LRBA: variants seen among roughly 807,000 people sequenced by gnomAD.
LRBA encodes LPS responsive beige-like anchor protein.
In LRBA, 176 loss-of-function variants were observed where a neutral mutation model predicts 330.0. That is an observed-to-expected ratio of 0.53 (90% CI 0.47 to 0.60). The LOEUF is 0.60. Among genes scored for constraint, LRBA ranks in the 20% least tolerant of loss-of-function variants. The probability of loss-of-function intolerance (pLI) is 0.00; values close to 1 mark genes in which losing one functional copy is unlikely to be tolerated. For missense variants in LRBA, 3,259 were observed against 3,444.8 expected (o/e 0.95, Z 1.35); for synonymous variants, 1,230 against 1,193.0 (o/e 1.03, Z -0.64).
intron 47 of LRBA, among the ~76,000 whole-genome samples, chr4:150,351,480 G>A (rs1737151517): frequency 6.6e-6 from 1 of 152,076 alleles, no homozygotes; most frequent in South Asian, 2.1e-4. Flanking sequence ...ACGAGGTCAG[G>A]AGATCGAGAC....
chr4:150,938,857 G>A (rs150716882), intron 2 of LRBA, among the ~76,000 whole-genome samples: 8 of 152,216 alleles, frequency 5.3e-5, no homozygotes, highest in Admixed American at 5.2e-4. Context: ...GGGCCTCTCT[G>A]TTCTATCAGT....
At chr4:150,471,961 T>A (rs1756183685) in intron 42 of LRBA, among the ~76,000 whole-genome samples, 1 of 152,188 alleles carries the variant, frequency 6.6e-6, no homozygotes, top group South Asian at 2.1e-4. Flanking sequence ...AGGTAAGCTG[T>A]CATTACAGTG....
chr4:150,671,604 A>G (rs1239094970), intron 37 of LRBA, among the ~76,000 whole-genome samples: 2 of 152,200 alleles, frequency 1.3e-5, no homozygotes, highest in Non-Finnish European at 2.9e-5. Flanking sequence ...AGTACATACA[A>G]TTTCTCATTT....
intron 33 of LRBA, among the ~76,000 whole-genome samples, chr4:150,802,380 T>C (rs958625182): frequency 5.3e-5 from 8 of 150,764 alleles, no homozygotes; most frequent in Non-Finnish European, 1.2e-4. Context: ...GTCCACAGCA[T>C]AGTAAAGAAT....
intron 50 of LRBA, among the ~76,000 whole-genome samples, chr4:150,316,751 G>A (rs540155155): frequency 7.6e-4 from 115 of 152,236 alleles, no homozygotes; most frequent in African/African-American, 2.4e-3. Flanking sequence ...AGAAACTCAA[G>A]GACAAGTCAG....
chr4:150,994,518 C>T (rs544799297), intron 2 of LRBA, among the ~76,000 whole-genome samples: 1 of 152,068 alleles, frequency 6.6e-6, no homozygotes, highest in African/African-American at 2.4e-5. Context: ...AAAGTAAGTC[C>T]CTACTTTTAT....
chr4:150,322,957 C>A (rs114981308), intron 49 of LRBA, among the ~76,000 whole-genome samples: 3 of 148,322 alleles, frequency 2.0e-5, no homozygotes, highest in African/African-American at 7.5e-5. Context: ...TAACGCAGCA[C>A]GAGGTGGCTT....
intron 40 of LRBA, among the ~76,000 whole-genome samples, chr4:150,531,487 T>C (rs1360131955): frequency 1.3e-5 from 2 of 152,220 alleles, no homozygotes. Flanking sequence ...TTAGTAATTA[T>C]CACCATATGA....
At chr4:150,494,176 C>A (rs1475726016) in intron 40 of LRBA, among the ~76,000 whole-genome samples, 1 of 152,134 alleles carries the variant, frequency 6.6e-6, no homozygotes, top group Non-Finnish European at 1.5e-5. Flanking sequence ...ATGGCCTATA[C>A]CCAGGTTTTC....
chr4:150,652,307 G>A (rs1444287400), intron 37 of LRBA, among the ~76,000 whole-genome samples: 2 of 152,000 alleles, frequency 1.3e-5, no homozygotes, highest in African/African-American at 2.4e-5. Flanking sequence ...CATAAAATGT[G>A]CCTGTTGAGG....
intron 9 of LRBA, among the ~76,000 whole-genome samples, chr4:150,913,198 T>C (rs1312079503): frequency 1.3e-5 from 2 of 152,236 alleles, no homozygotes; most frequent in Non-Finnish European, 2.9e-5. Flanking sequence ...TCAGGTGCAG[T>C]GGCTCACGCC....
chr4:150,638,198 A>G (rs1216779668), intron 37 of LRBA, among the ~76,000 whole-genome samples: 1 of 151,940 alleles, frequency 6.6e-6, no homozygotes, highest in Non-Finnish European at 1.5e-5. Context: ...TGCCTGGCTA[A>G]TGTTATCTTT....
intron 22 of LRBA, among the ~76,000 whole-genome samples, chr4:150,865,421 T>C (rs1311118876): frequency 1.3e-5 from 2 of 152,358 alleles, no homozygotes; most frequent in East Asian, 3.9e-4. Context: ...TGGTAGTGGA[T>C]ACATTCTAGC....
At position 150,762,991 on chromosome 4, in the gene LRBA, T is replaced by C. The variant is rs1385093351; in HGVS notation, c.5581-1144A>G. Among the ~76,000 whole-genome samples the C allele has an allele frequency of 6.6e-5, 10 of 152,112 alleles. No individual in the cohort carries two copies. In the East Asian group the frequency reaches 1.9e-3, roughly 29 times the overall value. On this transcript the variant is annotated intron_variant, in intron 34 of 56. Coordinates refer to ENST00000651943, the MANE Select transcript of LRBA (RefSeq NM_001364905.1). Reference sequence around the variant, plus strand: ...TCTTTTCCATGTCCACTTTCATACTTACCTTCTTTTGTGTTTTTGAAAAAC... The same window carrying C: ...TCTTTTCCATGTCCACTTTCATACTCACCTTCTTTTGTGTTTTTGAAAAAC...
chr4:150,908,634 T>C (rs772445970), intron 10 of LRBA, 26 bp downstream of exon 10: 5 of 1,585,140 alleles, frequency 3.2e-6, no homozygotes, highest in East Asian at 2.2e-5. Flanking sequence ...CCATTATAAA[T>C]GTTCTTAAAA....
intron 36 of LRBA, among the ~76,000 whole-genome samples, chr4:150,706,687 T>A (rs1267705098): frequency 6.6e-6 from 1 of 150,790 alleles, no homozygotes; most frequent in East Asian, 1.9e-4. Flanking sequence ...AAAGAAAAAA[T>A]TCTAACATAT....
At chr4:150,640,474 T>C (rs1362937103) in intron 37 of LRBA, among the ~76,000 whole-genome samples, 1 of 152,200 alleles carries the variant, frequency 6.6e-6, no homozygotes, top group African/African-American at 2.4e-5. Context: ...TGTTATGGTA[T>C]AGAGCACTGT....
intron 8 of LRBA, among the ~76,000 whole-genome samples, chr4:150,914,788 G>A (rs1305494951): frequency 6.6e-6 from 1 of 152,148 alleles, no homozygotes; most frequent in Non-Finnish European, 1.5e-5. Flanking sequence ...TTACATATGA[G>A]CCCTTTTTTG....
intron 37 of LRBA, among the ~76,000 whole-genome samples, chr4:150,667,820 A>T (rs1781702193): frequency 6.6e-6 from 1 of 152,184 alleles, no homozygotes; most frequent in South Asian, 2.1e-4. Context: ...AGCCTCCAGA[A>T]GTCTGACAAA....
Sources: allele counts gnomAD v4.1 joint callset (sites outside exome capture counted in the v4.1 genomes callset), GRCh38; gene constraint gnomAD v4.1.1; transcripts MANE v1.5; gene names NCBI Gene and HGNC (gene_info 2026-07-23, HGNC 2026-07-21).